Variants in MORC2 observed in about 807,000 individuals in gnomAD.
MORC2 encodes the protein ATPase MORC2.
MORC2 carries 30 observed loss-of-function variants against 136.0 expected under a neutral mutation model. The ratio of observed to expected loss-of-function variants is 0.22; its 90% CI spans 0.17 to 0.30. The LOEUF is 0.30. MORC2 is among the 10% of genes least tolerant of loss of function. The pLI is 1.00. For synonymous variants in MORC2, 439 were observed against 487.0 expected, an observed-to-expected ratio of 0.90 and a Z score of 1.30; for missense variants, 922 against 1,333.1, an observed-to-expected ratio of 0.69 and a Z score of 4.80.
At chr22:30,927,744 G>C (rs947554888) in intron 25 of MORC2, among the ~76,000 whole-genome samples, 2 of 152,252 alleles carry the variant, frequency 1.3e-5, no homozygotes, top group African/African-American at 4.8e-5. Flanking sequence ...GCGTCATGTG[G>C]AAAAGAACTT....
chr22:30,935,713 A>G (rs2040642741), intron 17 of MORC2, among the ~76,000 whole-genome samples: 2 of 152,258 alleles, frequency 1.3e-5, no homozygotes, highest in Non-Finnish European at 2.9e-5. Flanking sequence ...GCACAGACAC[A>G]GAAGCCAAAA....
chr22:30,946,486 G>A, intron 5 of MORC2, 37 bp from the exon 6 acceptor site: 3 of 1,539,842 alleles, frequency 1.9e-6, no homozygotes, highest in South Asian at 2.3e-5. Flanking sequence ...ATTCTCCCAG[G>A]AGTCAAAAGC....
chr22:30,967,764 C>A, intron 1 of MORC2, 58 bp downstream of exon 1: 1 of 1,546,152 alleles, frequency 6.5e-7, no homozygotes, highest in Non-Finnish European at 8.7e-7. Flanking sequence ...AAACGATTTC[C>A]ATATAATATC....
intron 1 of MORC2, chr22:30,963,303 A>T: frequency 1.0e-6 from 1 of 984,456 alleles, no homozygotes; most frequent in Non-Finnish European, 1.2e-6. Flanking sequence ...ACAGACCTAA[A>T]CATCCTTTGC....
intron 11 of MORC2, 91 bp downstream of exon 11, chr22:30,939,868 C>CA: frequency 6.9e-7 from 1 of 1,439,228 alleles, no homozygotes; most frequent in South Asian, 1.2e-5. Context: ...GGGACAAACT[C>CA]AAAAGCTGTG....
intron 12 of MORC2, among the ~76,000 whole-genome samples, chr22:30,938,987 G>A (rs1260028002): frequency 2.0e-5 from 3 of 152,204 alleles, no homozygotes; most frequent in South Asian, 2.1e-4. Context: ...GATGAGGAGT[G>A]GACTGACTTG....
chr22:30,946,526 G>A (rs983240972), intron 5 of MORC2, 77 bp from the exon 6 acceptor site: 15 of 1,312,072 alleles, frequency 1.1e-5, no homozygotes, highest in Non-Finnish European at 1.6e-5. Context: ...ATCCACTCTG[G>A]ACATGATTGA....
chr22:30,948,683 C>T (rs1181045159), intron 5 of MORC2, among the ~76,000 whole-genome samples: 1 of 152,186 alleles, frequency 6.6e-6, no homozygotes, highest in African/African-American at 2.4e-5. Context: ...CTGGTTCCTA[C>T]CCTAGCGCTC....
In MORC2 at chr22:30,946,449, C is replaced by A. The variant is rs765313173; in HGVS notation, c.318G>T (p.Ser106=). ...QIGQYGNGLK[S]GSMRIGKDFI... ...AATCCTTCCCAATGCGCATTGAGCC[C>A]CTGAAAAGGAAACAGAAATGGGTGT... The change falls in exon 6 of 26, where the codon TCG becomes TCT. Residue 106 remains serine, a splice_region_variant and synonymous_variant. Transcript: ENST00000397641. 6.2e-7 allele frequency: 1 copy of A among 1,604,792 alleles called. No individual in the cohort carries two copies. The highest frequency in any genetic ancestry group is 8.5e-7 in the Non-Finnish European group (1 of 1,175,478).
rs1481401511 is a variant in MORC2 at position 30,967,972 on chromosome 22, C to T, written c.-83G>A. On this transcript the variant is annotated 5_prime_UTR_variant, in exon 1 of 26. Transcript: ENST00000397641. ...GATATCGATTTCCCAGGATTCTGTC[C>T]AGTAAAGCTTCAGTAAGTCTGTGCT... 1.6e-6 allele frequency: 2 copies of T among 1,245,612 alleles called. No individual in the cohort carries two copies. Among genetic ancestry groups the T allele is most frequent in the Non-Finnish European group, 1.1e-6 (1 of 871,084 alleles). 77.2% of individuals were successfully genotyped at this position (1,245,612 alleles called of 1,614,324 possible).
At chr22:30,939,142 T>C (rs2040703104) in intron 12 of MORC2, among the ~76,000 whole-genome samples, 1 of 152,174 alleles carries the variant, frequency 6.6e-6, no homozygotes, top group Non-Finnish European at 1.5e-5. Context: ...ATGCTGGTTC[T>C]AAATGCAAAA....
At chr22:30,953,057 G>A (rs2040914523) in intron 3 of MORC2, among the ~76,000 whole-genome samples, 1 of 152,206 alleles carries the variant, frequency 6.6e-6, no homozygotes, top group Non-Finnish European at 1.5e-5. Context: ...CAACATCTGT[G>A]GATGGACCAC....
intron 3 of MORC2, among the ~76,000 whole-genome samples, chr22:30,953,323 T>G (rs964764468): frequency 3.9e-5 from 6 of 152,244 alleles, no homozygotes; most frequent in Non-Finnish European, 7.3e-5. Flanking sequence ...CCGAACTGCC[T>G]GCTTTGCAGC....
At chr22:30,944,294 C>T (rs1410321527) in intron 6 of MORC2, among the ~76,000 whole-genome samples, 2 of 152,168 alleles carry the variant, frequency 1.3e-5, no homozygotes, top group African/African-American at 4.8e-5. Context: ...CTCACTACGC[C>T]TCCCATTCTT....
chr22:30,944,222 A>T (rs1450873433), intron 6 of MORC2, among the ~76,000 whole-genome samples: 1 of 152,114 alleles, frequency 6.6e-6, no homozygotes, highest in Non-Finnish European at 1.5e-5. Context: ...GTAAGGAAAA[A>T]ATCTCAACCT....
intron 2 of MORC2, among the ~76,000 whole-genome samples, chr22:30,957,144 T>C (rs2040978638): frequency 6.6e-6 from 1 of 152,366 alleles, no homozygotes; most frequent in Middle Eastern, 3.4e-3. Context: ...TTCTCACTCA[T>C]TTGATTGCAA....
chr22:30,926,658 T>A lies in MORC2; in HGVS notation c.*145A>T. The A allele has an allele frequency of 3.3e-6, 1 of 305,274 alleles. No individual in the cohort carries two copies. Among genetic ancestry groups the A allele is most frequent in the Non-Finnish European group, 5.9e-6 (1 of 168,410 alleles). The allele number at this position is 305,274 out of a possible 1,614,324, so 18.9% of individuals were successfully genotyped here. A position where few individuals can be genotyped will look rare whatever the true frequency, so the allele number is the denominator to read the frequency against. ...ATAAACTTAAGGAAGATTCAAAGAA[T>A]CAGGGTATCTTTTCCTCCAAAAACA... On this transcript the variant is annotated 3_prime_UTR_variant, in exon 26 of 26. Transcript: ENST00000397641.
chr22:30,926,601 G>T lies in MORC2; in HGVS notation c.*202C>A. On this transcript the variant is annotated 3_prime_UTR_variant, in exon 26 of 26. Coordinates refer to ENST00000397641, the MANE Select transcript of MORC2 (RefSeq NM_001303256.3). ...AAAAAAAAAAAGTATGGTCTCACAG[G>T]CACAGCATCTTCTTTTAAAAAATAA... 1 of 180,632 alleles carries T rather than the reference G, an allele frequency of 5.5e-6. No individual in the cohort carries two copies. Among genetic ancestry groups the T allele is most frequent in the East Asian group, 1.1e-4 (1 of 8,968 alleles). The allele number at this position is 180,632 out of a possible 1,614,324, so 11.2% of individuals were successfully genotyped here.
intron 3 of MORC2, among the ~76,000 whole-genome samples, chr22:30,954,290 C>T (rs1349043689): frequency 6.6e-6 from 1 of 152,190 alleles, no homozygotes; most frequent in Non-Finnish European, 1.5e-5. Context: ...AAAGATTCCA[C>T]GGACTGATTT....
Sources: allele counts gnomAD v4.1 joint callset (sites outside exome capture counted in the v4.1 genomes callset), GRCh38; gene constraint gnomAD v4.1.1; transcripts MANE v1.5; gene names NCBI Gene and HGNC (gene_info 2026-07-23, HGNC 2026-07-21).